Variants in BCL2L14 observed in about 807,000 individuals in gnomAD.
BCL2L14 encodes the protein apoptosis facilitator Bcl-2-like protein 14.
A neutral mutation model predicts 35.3 loss-of-function variants in BCL2L14; 27 were observed. The observed-to-expected ratio is 0.76, with a 90% CI of 0.56 to 1.05. The LOEUF (loss-of-function observed/expected upper bound fraction) is 1.05, where lower values mean the gene tolerates loss of function less well. BCL2L14 is among the 50% of genes least tolerant of loss of function. BCL2L14 has a pLI of 0.00. For synonymous variants in BCL2L14, 139 were observed against 145.9 expected, an observed-to-expected ratio of 0.95 and a Z score of 0.34; for missense variants, 377 against 382.6, an observed-to-expected ratio of 0.99 and a Z score of 0.12.
At chr12:12,054,365 G>A (rs879332966) in intron 2 of BCL2L14, among the ~76,000 whole-genome samples, 2 of 151,978 alleles carry the variant, frequency 1.3e-5, no homozygotes, top group East Asian at 1.9e-4. Flanking sequence ...TTAGCCAGGC[G>A]TGGTGGCAGG....
intron 2 of BCL2L14, among the ~76,000 whole-genome samples, chr12:12,063,172 T>A (rs1372369024): frequency 2.7e-5 from 4 of 149,206 alleles, no homozygotes; most frequent in Non-Finnish European, 6.0e-5. Flanking sequence ...CAACTAATCA[T>A]ACATGCCCTG....
chr12:12,099,611 A>G lies in BCL2L14; in HGVS notation c.*623A>G, dbSNP rs896209585. On this transcript the variant is annotated 3_prime_UTR_variant, in exon 6 of 6. Transcript: ENST00000308721. ...TCAGGGACCACACCTCTTCTTCCCA[A>G]GGTCCCTGGGACTTCCTCATTCTTT... The G allele has an allele frequency of 2.6e-5, 4 of 152,246 alleles. No homozygotes were observed. The highest frequency in any genetic ancestry group is 2.0e-4 in the Admixed American group (3 of 15,284). 9.4% of individuals were successfully genotyped at this position (152,246 alleles called of 1,614,324 possible). A position where few individuals can be genotyped will look rare whatever the true frequency, so the allele number is the denominator to read the frequency against.
Position 12,072,884 on chromosome 12 carries a change from T to G in BCL2L14, c.-8+1747T>G, listed in dbSNP as rs961789722. 1.3e-5 allele frequency among the ~76,000 whole-genome samples: 2 copies of G among 151,926 alleles called. 1 individual carries two copies. The highest frequency in any genetic ancestry group is 1.3e-4 in the Admixed American group (2 of 15,268). On this transcript the variant is annotated intron_variant, in intron 1 of 5. Coordinates refer to ENST00000308721, the MANE Select transcript of BCL2L14 (RefSeq NM_138723.2). ...TGTGTTTGTGTGGGTGGGTTTTTTTTTTTCTTTATTTTTGTTTCTTAAGAG... is the reference window on the plus strand; with the variant it reads ...TGTGTTTGTGTGGGTGGGTTTTTTTGTTTCTTTATTTTTGTTTCTTAAGAG...
intron 3 of BCL2L14, among the ~76,000 whole-genome samples, chr12:12,089,102 C>T (rs935669275): frequency 2.0e-5 from 3 of 152,188 alleles, no homozygotes; most frequent in Non-Finnish European, 2.9e-5. Context: ...AGCGGTGGCT[C>T]GTGCCTGTAA....
At chr12:12,096,421 C>A (rs1949312495) in intron 5 of BCL2L14, among the ~76,000 whole-genome samples, 2 of 129,502 alleles carry the variant, frequency 1.5e-5, no homozygotes, top group Non-Finnish European at 1.6e-5. Flanking sequence ...AGAACACCAC[C>A]ACCAAGAATG....
chr12:12,083,783 A>T (rs530370711), intron 2 of BCL2L14, among the ~76,000 whole-genome samples: 17 of 151,954 alleles, frequency 1.1e-4, no homozygotes, highest in South Asian at 8.3e-4. Context: ...CGTCTCTATT[A>T]AAAAAAATAC....
At chr12:12,085,623 T>C (rs548541119) in intron 2 of BCL2L14, among the ~76,000 whole-genome samples, 2 of 152,240 alleles carry the variant, frequency 1.3e-5, no homozygotes, top group South Asian at 4.1e-4. Context: ...ATGAGTCAGA[T>C]GTCCACCAGA....
intron 1 of BCL2L14, 143 bp from the exon 2 acceptor site, chr12:12,079,156 G>A: frequency 1.5e-6 from 1 of 689,206 alleles, no homozygotes. Flanking sequence ...TAGTAAGACT[G>A]TGGCTTTTCC....
At chr12:12,062,985 A>G (rs1193843237) in intron 2 of BCL2L14, among the ~76,000 whole-genome samples, 1 of 152,226 alleles carries the variant, frequency 6.6e-6, no homozygotes, top group African/African-American at 2.4e-5. Context: ...TTCGCTTCTC[A>G]GAATTCAGGC....
intron 1 of BCL2L14, among the ~76,000 whole-genome samples, chr12:12,050,214 G>A (rs527666383): frequency 5.9e-5 from 9 of 152,178 alleles, no homozygotes; most frequent in Admixed American, 2.0e-4. Flanking sequence ...GAGGAGGTGG[G>A]GTTCAATAGG....
chr12:12,091,405 G>A (rs1281669177), intron 4 of BCL2L14, among the ~76,000 whole-genome samples: 1 of 152,214 alleles, frequency 6.6e-6, no homozygotes, highest in Non-Finnish European at 1.5e-5. Flanking sequence ...TCAGGAACGG[G>A]TGAGAGTTGC....
chr12:12,088,947 C>G (rs564221867), intron 3 of BCL2L14, among the ~76,000 whole-genome samples: 2 of 152,348 alleles, frequency 1.3e-5, no homozygotes, highest in South Asian at 4.1e-4. Context: ...AATGCCACCC[C>G]TAAACCAAGC....
At chr12:12,051,183 A>G (rs1300372257) in intron 1 of BCL2L14, among the ~76,000 whole-genome samples, 2 of 152,162 alleles carry the variant, frequency 1.3e-5, no homozygotes, top group African/African-American at 4.8e-5. Context: ...GATGGTGGGA[A>G]AAGGAGCTGG....
At chr12:12,080,880 A>G (rs887755083) in intron 2 of BCL2L14, among the ~76,000 whole-genome samples, 1 of 152,116 alleles carries the variant, frequency 6.6e-6, no homozygotes, top group Non-Finnish European at 1.5e-5. Flanking sequence ...GACAAAATTA[A>G]TTGTACTTAA....
chr12:12,076,380 C>T (rs1368818704), intron 1 of BCL2L14, among the ~76,000 whole-genome samples: 4 of 151,926 alleles, frequency 2.6e-5, no homozygotes, highest in South Asian at 4.2e-4. Context: ...GGAGCAGTGG[C>T]GGGAAGAAAG....
intron 1 of BCL2L14, among the ~76,000 whole-genome samples, chr12:12,077,463 T>C (rs1052611920): frequency 6.7e-6 from 1 of 149,038 alleles, no homozygotes; most frequent in African/African-American, 2.5e-5. Context: ...GAGAATCCCT[T>C]GAGCCGGGGA....
At chr12:12,056,197 C>A (rs1377741714) in intron 2 of BCL2L14, among the ~76,000 whole-genome samples, 7 of 112,876 alleles carry the variant, frequency 6.2e-5, no homozygotes, top group Non-Finnish European at 1.2e-4. Flanking sequence ...GACCACAAGA[C>A]CCTATTGCAG....
rs1051348919 is a variant in BCL2L14, at chr12:12,099,156, C to A, written c.*168C>A. On this transcript the variant is annotated 3_prime_UTR_variant, in exon 6 of 6. Transcript: ENST00000308721. Reference sequence around the variant, plus strand: ...GCATCAGGAGAGGTCTCGTTCGTCTCCAGCTCATAAAATGTAGCAGCATCA... The same window carrying A: ...GCATCAGGAGAGGTCTCGTTCGTCTACAGCTCATAAAATGTAGCAGCATCA... 6 of 591,292 alleles carry A rather than the reference C, an allele frequency of 1.0e-5. No individual in the cohort carries two copies. The highest frequency in any genetic ancestry group is 1.8e-5 in the Non-Finnish European group (6 of 329,260). 36.6% of individuals were successfully genotyped at this position (591,292 alleles called of 1,614,324 possible).
chr12:12,094,438 T>C (rs1253008268), intron 4 of BCL2L14: 1 of 1,305,200 alleles, frequency 7.7e-7, no homozygotes, highest in African/African-American at 1.5e-5. Context: ...GAACTGACTG[T>C]TCCATTTTAT....
Sources: gnomAD v4.1 joint callset for allele counts (sites outside exome capture counted in the v4.1 genomes callset) on GRCh38, gnomAD v4.1.1 for gene constraint, MANE v1.5 for transcripts, NCBI Gene and HGNC (gene_info 2026-07-23, HGNC 2026-07-21) for gene names.